The following ATL1 variants were observed in gnomAD, a reference collection of about 807,000 sequenced individuals.
The protein encoded by ATL1 is atlastin GTPase 1.
Under a neutral mutation model 75.5 loss-of-function variants are expected in ATL1, and 31 were observed. The observed-to-expected ratio is 0.41, with a 90% CI of 0.31 to 0.55. The LOEUF (loss-of-function observed/expected upper bound fraction) is 0.55, where lower values mean the gene tolerates loss of function less well. ATL1 is among the 20% of genes least tolerant of loss of function. The pLI is 0.27. For missense variants in ATL1, 405 were observed against 662.6 expected (o/e 0.61, Z 4.27); for synonymous variants, 226 against 233.3 (o/e 0.97, Z 0.28).
rs146613929 is a variant in ATL1 at position 50,560,295 on chromosome 14, T to C, written c.30T>C (p.Ser10=). 1.4e-4 allele frequency: 220 copies of C among 1,613,762 alleles called. No individual in the cohort carries two copies. In the African/African-American group the frequency reaches 2.4e-3, roughly 17 times the overall value. The change falls in exon 1 of 14, where the codon AGT becomes AGC. Residue 10 remains serine, a synonymous_variant. Transcript: ENST00000358385. ...CCAAGAACCGCAGGGACAGAAACAG[T>C]TGGGGTGAGTAGCAAATGAGAACTT... is the stretch of plus-strand genomic sequence containing the variant. MAKNRRDRN[S]WGGFSEKTYE...
At chr14:50,617,411 T>C (rs975214958) in intron 8 of ATL1, among the ~76,000 whole-genome samples, 1 of 152,140 alleles carries the variant, frequency 6.6e-6, no homozygotes, top group Non-Finnish European at 1.5e-5. Context: ...TATAGTACCA[T>C]ATGTAGAATG....
At chr14:50,533,097 T>C (rs142215903) in exon 1 of ATL1, 34 of 152,550 alleles carry the variant, frequency 2.2e-4, no homozygotes, top group African/African-American at 7.9e-4. Flanking sequence ...GAGGCTGCAC[T>C]GCACACCTGC....
intron 6 of ATL1, among the ~76,000 whole-genome samples, chr14:50,599,437 G>A (rs373261855): frequency 1.6e-3 from 242 of 152,298 alleles, no homozygotes; most frequent in South Asian, 0.015. Context: ...TAGGATTTGG[G>A]AAAATGGGAA....
At chr14:50,595,818 AT>A (rs1287450054) in intron 6 of ATL1, among the ~76,000 whole-genome samples, 186 bp downstream of exon 6, 3 of 152,070 alleles carry the variant, frequency 2.0e-5, no homozygotes, top group Admixed American at 6.5e-5. Context: ...TTTAAGAATT[AT>A]TTTTTAAAAA....
chr14:50,624,191 G>A (rs537617253), intron 11 of ATL1, among the ~76,000 whole-genome samples: 5 of 152,172 alleles, frequency 3.3e-5, no homozygotes, highest in Admixed American at 3.3e-4. Flanking sequence ...AATCTCAAAT[G>A]CAGGCATACA....
intron 6 of ATL1, among the ~76,000 whole-genome samples, chr14:50,608,427 A>G (rs992609874): frequency 6.6e-6 from 1 of 151,880 alleles, no homozygotes; most frequent in Non-Finnish European, 1.5e-5. Flanking sequence ...ATCAGCCATG[A>G]TGGGTATATT....
chr14:50,575,376 A>G (rs2038996040), intron 1 of ATL1, among the ~76,000 whole-genome samples: 2 of 152,194 alleles, frequency 1.3e-5, no homozygotes, highest in Admixed American at 1.3e-4. Context: ...CAGCAGAGCT[A>G]TCTGAGAGTC....
At chr14:50,569,238 T>C (rs1409178199) in intron 1 of ATL1, among the ~76,000 whole-genome samples, 1 of 151,960 alleles carries the variant, frequency 6.6e-6, no homozygotes, top group Non-Finnish European at 1.5e-5. Context: ...TGCATGCCTG[T>C]AGCCCCAGCT....
intron 6 of ATL1, among the ~76,000 whole-genome samples, chr14:50,611,178 T>G (rs1160742854): frequency 6.6e-6 from 1 of 152,104 alleles, no homozygotes; most frequent in African/African-American, 2.4e-5. Flanking sequence ...TAATGTCACT[T>G]AAGTGTCCCA....
chr14:50,624,292 T>C (rs1455050051), intron 11 of ATL1, among the ~76,000 whole-genome samples: 1 of 152,096 alleles, frequency 6.6e-6, no homozygotes, highest in Admixed American at 6.6e-5. Flanking sequence ...TTGACGCCCT[T>C]TCTCCAACAG....
intron 1 of ATL1, among the ~76,000 whole-genome samples, chr14:50,582,792 GAA>G (rs1199747375): frequency 6.6e-6 from 1 of 151,982 alleles, no homozygotes; most frequent in Non-Finnish European, 1.5e-5. Flanking sequence ...AATAAGAAAG[GAA>G]AGTCATAGGC....
chr14:50,563,142 A>G (rs1210407125), intron 1 of ATL1, among the ~76,000 whole-genome samples: 13 of 152,226 alleles, frequency 8.5e-5, no homozygotes, highest in Admixed American at 7.9e-4. Flanking sequence ...ATGCATATTC[A>G]TCTGCATTAT....
chr14:50,580,370 C>A (rs1235092747), intron 1 of ATL1, among the ~76,000 whole-genome samples: 2 of 152,098 alleles, frequency 1.3e-5, no homozygotes, highest in African/African-American at 4.8e-5. Context: ...AGGAATTTTT[C>A]TTCTATTCCT....
intron 6 of ATL1, among the ~76,000 whole-genome samples, chr14:50,607,911 G>C (rs970372968): frequency 6.6e-6 from 1 of 151,882 alleles, no homozygotes; most frequent in African/African-American, 2.4e-5. Context: ...CTCAATTGTT[G>C]AGCATTTGGA....
intron 1 of ATL1, among the ~76,000 whole-genome samples, chr14:50,541,145 A>C (rs1034913354): frequency 2.6e-5 from 4 of 152,364 alleles, no homozygotes; most frequent in South Asian, 4.1e-4. Flanking sequence ...AATCAGAAGC[A>C]GTTTGCTTTC....
chr14:50,571,052 A>G (rs1224255912), intron 1 of ATL1, among the ~76,000 whole-genome samples: 1 of 152,150 alleles, frequency 6.6e-6, no homozygotes, highest in Non-Finnish European at 1.5e-5. Flanking sequence ...GTGGGTGGGA[A>G]AGAAAAATGA....
At chr14:50,568,866 C>T (rs1241096247) in intron 1 of ATL1, among the ~76,000 whole-genome samples, 2 of 151,634 alleles carry the variant, frequency 1.3e-5, no homozygotes, top group African/African-American at 2.4e-5. Context: ...TTTGTGGTTA[C>T]CATGGAGATT....
At chr14:50,618,257 G>A (rs1450276911) in intron 8 of ATL1, among the ~76,000 whole-genome samples, 1 of 152,090 alleles carries the variant, frequency 6.6e-6, no homozygotes, top group Non-Finnish European at 1.5e-5. Flanking sequence ...TAGCAAAAAA[G>A]AAACCTATTA....
Position 50,592,929 on chromosome 14 carries a change from A to AAATAT in ATL1, c.523-916_523-915insATATA, listed in dbSNP as rs562590227. ...CTCCCGTCTCAAAAAAAAAAAAAAA[A>AAATAT]ATATATATATATATATATGTGTGTG... On this transcript the variant is annotated intron_variant, in intron 4 of 13. Transcript: ENST00000358385. Among the ~76,000 whole-genome samples the AAATAT allele has an allele frequency of 7.1e-3, 806 of 113,740 alleles. 7 individuals are homozygous for AAATAT. The highest frequency in any genetic ancestry group is 0.01 in the Non-Finnish European group (579 of 56,986). The allele number at this position is 113,740 out of a possible 152,430, so 74.6% of individuals were successfully genotyped here.
Sources: gnomAD v4.1 joint callset for allele counts (sites outside exome capture counted in the v4.1 genomes callset) on GRCh38, gnomAD v4.1.1 for gene constraint, MANE v1.5 for transcripts, NCBI Gene and HGNC (gene_info 2026-07-23, HGNC 2026-07-21) for gene names.